CYP19A1: variants seen among roughly 807,000 people sequenced by gnomAD.
CYP19A1 encodes aromatase.
CYP19A1 carries 32 observed loss-of-function variants against 44.4 expected under a neutral mutation model. The observed-to-expected ratio is 0.72, with a 90% CI of 0.54 to 0.97. The LOEUF is 0.97. Among genes scored for constraint, CYP19A1 ranks in the 50% least tolerant of loss-of-function variants. The pLI is 0.00. For synonymous variants in CYP19A1, 212 were observed against 215.6 expected, an observed-to-expected ratio of 0.98 and a Z score of 0.14; for missense variants, 598 against 637.8, an observed-to-expected ratio of 0.94 and a Z score of 0.67.
Position 51,236,917 on chromosome 15 carries a change from C to A in CYP19A1, c.238G>T (p.Val80Leu). 1.2e-6 allele frequency: 2 copies of A among 1,614,138 alleles called. No homozygotes were observed. Among genetic ancestry groups the A allele is most frequent in the African/African-American group, 1.3e-5 (1 of 75,028 alleles). ...CAGACTCGCATGAATTCTCCATATA[C>A]CCGGTTGTAGTAGTTGCAGGCACTG... is the stretch of plus-strand genomic sequence containing the variant. Reference protein sequence around the residue: ...IGSACNYYNRVYGEFMRVWIS... With the variant: ...IGSACNYYNRLYGEFMRVWIS... Residue 80 changes from valine to leucine, a missense_variant, in exon 3 of 10, where the codon GTA becomes TTA. Transcript: ENST00000396402.
In CYP19A1 at chr15:51,210,235, C is replaced by A. The variant is rs551890784; in HGVS notation, c.*573G>T. The A allele has an allele frequency of 2.4e-6, 1 of 410,978 alleles. No individual in the cohort carries two copies. The highest frequency in any genetic ancestry group is 2.8e-5 in the Admixed American group (1 of 36,124). The allele number at this position is 410,978 out of a possible 1,614,324, so 25.5% of individuals were successfully genotyped here. On this transcript the variant is annotated 3_prime_UTR_variant, in exon 10 of 10. Transcript: ENST00000396402. ...CACAGACAGATCATATGTAGACAAA[C>A]AGGAATTAATTGGGCTTAATTCACA...
At chr15:51,317,300 AG>A (rs1289374619) in intron 1 of CYP19A1, among the ~76,000 whole-genome samples, 1 of 152,054 alleles carries the variant, frequency 6.6e-6, no homozygotes, top group Non-Finnish European at 1.5e-5. Context: ...TAGTAGAGAC[AG>A]GGTTTCACCA....
At chr15:51,309,639 G>C (rs2036275741) in intron 1 of CYP19A1, among the ~76,000 whole-genome samples, 2 of 152,172 alleles carry the variant, frequency 1.3e-5, no homozygotes, top group African/African-American at 4.8e-5. Flanking sequence ...AAAACAAAAG[G>C]AGAATTTTAT....
intron 1 of CYP19A1, among the ~76,000 whole-genome samples, chr15:51,332,747 T>G (rs2036720839): frequency 6.6e-6 from 1 of 152,204 alleles, no homozygotes; most frequent in South Asian, 2.1e-4. Flanking sequence ...ATTCTTGGTG[T>G]GCAGTGTTTT....
chr15:51,290,767 T>G (rs1406167125), intron 1 of CYP19A1, among the ~76,000 whole-genome samples: 1 of 152,224 alleles, frequency 6.6e-6, no homozygotes, highest in African/African-American at 2.4e-5. Context: ...GTCATGTTGC[T>G]CTATACATAG....
intron 4 of CYP19A1, 76 bp downstream of exon 4, chr15:51,227,703 A>AAATAAATAAATAAAT: frequency 2.5e-6 from 1 of 392,894 alleles, no homozygotes; most frequent in Non-Finnish European, 4.6e-6. Context: ...AATAAATAAA[A>AAATAAATAAATAAAT]TATTTTAAAA....
chr15:51,278,205 A>T (rs1275130310), intron 1 of CYP19A1: 4 of 152,194 alleles, frequency 2.6e-5, no homozygotes, highest in Non-Finnish European at 5.9e-5. Flanking sequence ...GTCAGGGGCC[A>T]ACATAAATTA....
chr15:51,239,725 G>A (rs2033631050), intron 2 of CYP19A1, among the ~76,000 whole-genome samples: 1 of 152,124 alleles, frequency 6.6e-6, no homozygotes, highest in Non-Finnish European at 1.5e-5. Flanking sequence ...AAAGGCACAC[G>A]AGGAGCTTCT....
intron 1 of CYP19A1, among the ~76,000 whole-genome samples, chr15:51,308,649 T>C (rs2036256956): frequency 6.6e-6 from 1 of 152,118 alleles, no homozygotes; most frequent in Non-Finnish European, 1.5e-5. Flanking sequence ...AAGAGGTACA[T>C]ATTCAGACCC....
chr15:51,276,881 G>A (rs2035327769), intron 1 of CYP19A1, among the ~76,000 whole-genome samples: 1 of 152,076 alleles, frequency 6.6e-6, no homozygotes, highest in African/African-American at 2.4e-5. Context: ...CAAAATTTGT[G>A]GGATTGTGTT....
intron 1 of CYP19A1, chr15:51,277,387 C>T (rs536889101): frequency 6.6e-6 from 1 of 152,206 alleles, no homozygotes. Flanking sequence ...TCCCTGGGTA[C>T]CTGAAAAAAG....
intron 1 of CYP19A1, among the ~76,000 whole-genome samples, chr15:51,289,049 T>C (rs901580165): frequency 1.2e-4 from 18 of 152,294 alleles, no homozygotes; most frequent in African/African-American, 4.3e-4. Context: ...ATGCGGTCAT[T>C]GCTACAGAAC....
chr15:51,237,854 A>G lies in CYP19A1; in HGVS notation c.146-845T>C, dbSNP rs552514221. On this transcript the variant is annotated intron_variant, in intron 2 of 9. Transcript: ENST00000396402. The stretch of plus-strand genomic sequence containing the variant: ...TTTACTGGTGTTGGTAAAACGTTAG[A>G]TTAAAAAGTTTTAGAATGTTTTCAG... Among the ~76,000 whole-genome samples, 31 of 152,366 alleles carry G rather than the reference A, an allele frequency of 2.0e-4. 1 individual carries two copies. The highest frequency in any genetic ancestry group is 7.5e-4 in the African/African-American group (31 of 41,588).
intron 1 of CYP19A1, among the ~76,000 whole-genome samples, chr15:51,305,404 A>G (rs1259549017): frequency 1.3e-5 from 2 of 152,212 alleles, no homozygotes; most frequent in Non-Finnish European, 2.9e-5. Context: ...TGCAGATAAT[A>G]TGACCTTGAG....
Position 51,209,899 on chromosome 15 carries a change from G to C in CYP19A1, c.*909C>G, listed in dbSNP as rs1459577438. On this transcript the variant is annotated 3_prime_UTR_variant, in exon 10 of 10. Transcript: ENST00000396402. Reference sequence around the variant, plus strand: ...CCCAATCACTGAAGCTGTAGTAAGAGCAAATCAATGTCACATTTACAGTTA... The same window carrying C: ...CCCAATCACTGAAGCTGTAGTAAGACCAAATCAATGTCACATTTACAGTTA... The C allele has an allele frequency of 1.8e-5, 3 of 167,808 alleles. No individual in the cohort carries two copies. Among genetic ancestry groups the C allele is most frequent in the African/African-American group, 7.2e-5 (3 of 41,498 alleles). The allele number at this position is 167,808 out of a possible 1,614,324, so 10.4% of individuals were successfully genotyped here. A position where few individuals can be genotyped will look rare whatever the true frequency, so the allele number is the denominator to read the frequency against.
chr15:51,275,956 G>A (rs1292976551), intron 1 of CYP19A1, among the ~76,000 whole-genome samples: 1 of 152,180 alleles, frequency 6.6e-6, no homozygotes, highest in Non-Finnish European at 1.5e-5. Context: ...CCTGAGGTTT[G>A]AAGGAAAAGG....
intron 1 of CYP19A1, among the ~76,000 whole-genome samples, chr15:51,251,710 C>T (rs542342302): frequency 6.6e-6 from 1 of 152,332 alleles, no homozygotes; most frequent in East Asian, 1.9e-4. Context: ...ATGCCAAGTC[C>T]CAGCAACTCA....
chr15:51,248,204 T>C (rs948613768), intron 1 of CYP19A1, among the ~76,000 whole-genome samples: 3 of 152,212 alleles, frequency 2.0e-5, no homozygotes, highest in Non-Finnish European at 4.4e-5. Flanking sequence ...GGGAATGGAC[T>C]GCAGCACAGC....
intron 3 of CYP19A1, among the ~76,000 whole-genome samples, chr15:51,229,477 T>G (rs2032857131): frequency 6.6e-6 from 1 of 151,720 alleles, no homozygotes; most frequent in Admixed American, 6.6e-5. Flanking sequence ...ATAAAAACAC[T>G]ATTAAATATT....
Sources: gnomAD v4.1 joint callset for allele counts (sites outside exome capture counted in the v4.1 genomes callset) on GRCh38, gnomAD v4.1.1 for gene constraint, MANE v1.5 for transcripts, NCBI Gene and HGNC (gene_info 2026-07-23, HGNC 2026-07-21) for gene names.